The following PTN variants were observed in gnomAD, a reference collection of about 807,000 sequenced individuals.
PTN encodes heparin affin regulatory protein.
PTN carries 18 observed loss-of-function variants against 24.1 expected under a neutral mutation model. That is an observed-to-expected ratio of 0.75 (90% confidence interval 0.52 to 1.11). PTN has a LOEUF of 1.11. Among genes scored for constraint, PTN ranks in the 50% least tolerant of loss-of-function variants. The pLI, the probability that PTN is intolerant of heterozygous loss-of-function variation, is 0.00. For missense variants in PTN, 163 were observed against 198.8 expected, an observed-to-expected ratio of 0.82 and a Z score of 1.08; for synonymous variants, 78 against 68.6, an observed-to-expected ratio of 1.14 and a Z score of -0.67.
At chr7:137,278,977 A>ATAC (rs1233171081) in intron 1 of PTN, among the ~76,000 whole-genome samples, 1 of 147,490 alleles carries the variant, frequency 6.8e-6, no homozygotes, top group Non-Finnish European at 1.5e-5. Context: ...AATAATAATA[A>ATAC]TAATAAAATA....
Position 137,343,458 on chromosome 7 carries a change from C to T in PTN, c.-21G>A, listed in dbSNP as rs747985466. 1.9e-6 allele frequency: 1 copy of T among 517,972 alleles called. No individual in the cohort carries two copies. The highest frequency in any genetic ancestry group is 3.9e-6 in the Non-Finnish European group (1 of 259,410). The allele number at this position is 517,972 out of a possible 1,614,324, so 32.1% of individuals were successfully genotyped here. ...ACTTACTTTGAGTTGGAAACGTCCTCTCTGGCGCTCAGTCTGCCTTTGTTG... is the reference window on the plus strand; with the variant it reads ...ACTTACTTTGAGTTGGAAACGTCCTTTCTGGCGCTCAGTCTGCCTTTGTTG... On this transcript the variant is annotated 5_prime_UTR_variant, in exon 1 of 5. Coordinates refer to ENST00000348225, the MANE Select transcript of PTN (RefSeq NM_002825.7).
At chr7:137,236,169 C>T (rs1390920342) in intron 4 of PTN, 13 of 702,140 alleles carry the variant, frequency 1.9e-5, no homozygotes, top group Non-Finnish European at 2.6e-5. Flanking sequence ...ACGAATCCAT[C>T]TCCCTTCACC....
At chr7:137,249,638 G>A (rs147260981) in intron 4 of PTN, among the ~76,000 whole-genome samples, 1 of 152,256 alleles carries the variant, frequency 6.6e-6, no homozygotes, top group East Asian at 1.9e-4. Context: ...GTAACTCTGA[G>A]TTTTGCCATT....
At chr7:137,251,421 C>G (rs1488885145) in intron 3 of PTN, 30 bp from the exon 4 acceptor site, 7 of 1,603,040 alleles carry the variant, frequency 4.4e-6, no homozygotes, top group Non-Finnish European at 6.0e-6. Context: ...AAACAGAAAT[C>G]CTTGAAAGAT....
rs185822363 is a variant in PTN, at chr7:137,267,802, C to T, written c.-1-12828G>A. ...AGAATCAAAACCAAAATCGGAGTAT[C>T]AGGAAATCCAAGCCAGGTCAAAACC... On this transcript the variant is annotated intron_variant, in intron 1 of 4. Transcript: ENST00000348225. Among the ~76,000 whole-genome samples the T allele has an allele frequency of 2.6e-5, 4 of 152,172 alleles. No homozygotes were observed. In the East Asian group the frequency reaches 7.8e-4, roughly 30 times the overall value.
chr7:137,341,612 C>T (rs1302598729), intron 1 of PTN, among the ~76,000 whole-genome samples: 1 of 152,082 alleles, frequency 6.6e-6, no homozygotes, highest in African/African-American at 2.4e-5. Flanking sequence ...CAAGCTCTAG[C>T]TTTGAGAACA....
chr7:137,282,215 A>G (rs143888078), intron 1 of PTN, among the ~76,000 whole-genome samples: 25 of 152,366 alleles, frequency 1.6e-4, no homozygotes, highest in African/African-American at 6.0e-4. Flanking sequence ...GTGGTAGAAG[A>G]GAGCTATCAC....
intron 1 of PTN, among the ~76,000 whole-genome samples, chr7:137,287,344 A>G (rs1191708018): frequency 2.0e-5 from 3 of 152,116 alleles, no homozygotes; most frequent in Non-Finnish European, 2.9e-5. Context: ...AGTGGCCCAA[A>G]CCTGATCACT....
At chr7:137,293,451 T>A (rs73728260) in intron 1 of PTN, among the ~76,000 whole-genome samples, 9,915 of 152,022 alleles carry the variant, frequency 0.065, 716 homozygotes, top group African/African-American at 0.18. Flanking sequence ...ATTGATAAAG[T>A]TTCTGGGCTA....
chr7:137,257,190 A>C lies in PTN; in HGVS notation c.-1-2216T>G, dbSNP rs1357104267. Among the ~76,000 whole-genome samples, 4 of 152,230 alleles carry C rather than the reference A, an allele frequency of 2.6e-5. 1 individual carries two copies. Among genetic ancestry groups the C allele is most frequent in the Admixed American group, 1.3e-4 (2 of 15,286 alleles). ...TTTTTTCCCTGAATCACAAGCCTAG[A>C]TTAGCTACTCACCATCTCCAGCACT... On this transcript the variant is annotated intron_variant, in intron 1 of 4. Coordinates refer to ENST00000348225, the MANE Select transcript of PTN (RefSeq NM_002825.7).
chr7:137,268,954 C>T (rs141922810), intron 1 of PTN, among the ~76,000 whole-genome samples: 9 of 152,212 alleles, frequency 5.9e-5, no homozygotes, highest in South Asian at 2.1e-4. Context: ...TTTTGTAACT[C>T]GTTTTGAAAC....
intron 1 of PTN, among the ~76,000 whole-genome samples, chr7:137,307,088 C>A: frequency 6.6e-6 from 1 of 152,066 alleles, no homozygotes; most frequent in East Asian, 1.9e-4. Context: ...AATTAGGTAT[C>A]GGTGGCATAT....
At chr7:137,235,962 CT>C (rs2128868129) in intron 4 of PTN, among the ~76,000 whole-genome samples, 1 of 152,234 alleles carries the variant, frequency 6.6e-6, no homozygotes, top group East Asian at 1.9e-4. Context: ...CCCCCACTCA[CT>C]TTGGGAGGCG....
intron 1 of PTN, among the ~76,000 whole-genome samples, chr7:137,271,176 C>T (rs1331849507): frequency 6.6e-6 from 1 of 152,148 alleles, no homozygotes; most frequent in African/African-American, 2.4e-5. Flanking sequence ...TGAAATCGTA[C>T]CAATTCATAA....
At chr7:137,316,094 C>T (rs1810067509) in intron 1 of PTN, among the ~76,000 whole-genome samples, 1 of 152,188 alleles carries the variant, frequency 6.6e-6, no homozygotes, top group Admixed American at 6.5e-5. Flanking sequence ...TCGTCAGAAT[C>T]CTCAGGCTCC....
At chr7:137,328,472 T>C (rs1357298082) in intron 1 of PTN, among the ~76,000 whole-genome samples, 1 of 152,158 alleles carries the variant, frequency 6.6e-6, no homozygotes, top group African/African-American at 2.4e-5. Flanking sequence ...TGCTTTCCAA[T>C]GGGAAACTGT....
intron 1 of PTN, among the ~76,000 whole-genome samples, chr7:137,341,645 A>G (rs981817594): frequency 6.6e-6 from 1 of 152,146 alleles, no homozygotes; most frequent in Non-Finnish European, 1.5e-5. Context: ...ATCCAGAAGC[A>G]AACAGCTGGA....
chr7:137,239,330 T>C (rs553182507), intron 4 of PTN, among the ~76,000 whole-genome samples: 4 of 152,324 alleles, frequency 2.6e-5, no homozygotes, highest in South Asian at 2.1e-4. Context: ...GTATTCTTCC[T>C]TGAGTTTTCT....
intron 1 of PTN, among the ~76,000 whole-genome samples, chr7:137,268,335 G>T (rs1443959427): frequency 6.6e-6 from 1 of 152,100 alleles, no homozygotes; most frequent in Non-Finnish European, 1.5e-5. Context: ...TCGCTTGCCG[G>T]TCAGGGAACC....
Sources: allele counts gnomAD v4.1 joint callset (sites outside exome capture counted in the v4.1 genomes callset), GRCh38; gene constraint gnomAD v4.1.1; transcripts MANE v1.5; gene names NCBI Gene and HGNC (gene_info 2026-07-23, HGNC 2026-07-21).